The following TOP1MT variants were observed in gnomAD, a reference collection of about 807,000 sequenced individuals.
TOP1MT encodes the protein DNA topoisomerase I, mitochondrial.
In TOP1MT, 80 loss-of-function variants were observed where a neutral mutation model predicts 73.9. That is an observed-to-expected ratio of 1.08 (90% CI 0.90 to 1.30). TOP1MT has a LOEUF of 1.30. TOP1MT is among the 50% of genes most tolerant of loss of function. TOP1MT has a pLI of 0.00. For synonymous variants in TOP1MT, 338 were observed against 326.4 expected (o/e 1.04, Z -0.38); for missense variants, 815 against 808.0 (o/e 1.01, Z -0.10).
At chr8:143,315,908 C>T in intron 11 of TOP1MT, 87 bp from the exon 12 acceptor site, 1 of 1,607,452 alleles carries the variant, frequency 6.2e-7, no homozygotes, top group Non-Finnish European at 8.5e-7. Context: ...TACGTGCCCA[C>T]CGCAGCTGGC....
At chr8:143,343,401 T>C in intron 1 of TOP1MT, 1 of 372,794 alleles carries the variant, frequency 2.7e-6, no homozygotes. Flanking sequence ...TTCATGACCC[T>C]TTTCTCATTT....
intron 12 of TOP1MT, among the ~76,000 whole-genome samples, chr8:143,310,915 C>T (rs1353497060): frequency 2.6e-5 from 4 of 151,536 alleles, no homozygotes; most frequent in South Asian, 2.1e-4. Flanking sequence ...AGAGCCAGCA[C>T]GCACACACAG....
chr8:143,318,961 G>A (rs1249860180), intron 8 of TOP1MT, among the ~76,000 whole-genome samples: 1 of 152,192 alleles, frequency 6.6e-6, no homozygotes, highest in Non-Finnish European at 1.5e-5. Flanking sequence ...CCGTTACCGA[G>A]TGCTCCCCTG....
At chr8:143,347,244 T>A (rs1043437010), upstream of TOP1MT, among the ~76,000 whole-genome samples, 11 of 152,198 alleles carry the variant, frequency 7.2e-5, no homozygotes, top group African/African-American at 2.7e-4. Flanking sequence ...AAGTTCTGCC[T>A]CCTGGGTTCA....
At chr8:143,351,996 C>T (rs1464944828) in intron 1 of TOP1MT, among the ~76,000 whole-genome samples, 1 of 152,220 alleles carries the variant, frequency 6.6e-6, no homozygotes, top group African/African-American at 2.4e-5. Flanking sequence ...GCAGGAGAAT[C>T]GCTTGAACCT....
intron 10 of TOP1MT, among the ~76,000 whole-genome samples, chr8:143,317,275 T>G (rs1459825219): frequency 6.6e-6 from 1 of 152,016 alleles, no homozygotes; most frequent in Non-Finnish European, 1.5e-5. Context: ...ATCCCCAGGT[T>G]GATGGCAGGG....
chr8:143,342,837 T>C (rs1022570684), intron 2 of TOP1MT, among the ~76,000 whole-genome samples: 3 of 144,016 alleles, frequency 2.1e-5, no homozygotes, highest in Non-Finnish European at 3.0e-5. Context: ...CAGGCTGGAG[T>C]GCAGTGGCGT....
Position 143,331,637 on chromosome 8 carries a change from G to A in TOP1MT, c.123-298C>T, listed in dbSNP as rs1292024729. 3 of 298,312 alleles carry A rather than the reference G, an allele frequency of 1.0e-5. No homozygotes were observed. In the East Asian group the frequency reaches 1.7e-4, roughly 17 times the overall value. The allele number at this position is 298,312 out of a possible 1,614,324, so 18.5% of individuals were successfully genotyped here. ...CCCAGCTAAGTGGGAAAGGCAACGTGCCTCTCCCAGGCTCTAGGGCCTCTC... is the reference window on the plus strand; with the variant it reads ...CCCAGCTAAGTGGGAAAGGCAACGTACCTCTCCCAGGCTCTAGGGCCTCTC... On this transcript the variant is annotated intron_variant, in intron 1 of 13. Transcript: ENST00000329245.
At chr8:143,326,070 G>A (rs906837991) in intron 4 of TOP1MT, 152 bp downstream of exon 4, 2 of 815,398 alleles carry the variant, frequency 2.5e-6, no homozygotes, top group Non-Finnish European at 3.7e-6. Context: ...CGACACTTAA[G>A]CACATGCAGG....
chr8:143,346,794 G>A (rs537456211), upstream of TOP1MT, among the ~76,000 whole-genome samples: 1 of 152,074 alleles, frequency 6.6e-6, no homozygotes, highest in East Asian at 1.9e-4. Flanking sequence ...ATTACCCCAG[G>A]GGCAGAAGAT....
chr8:143,343,223 G>A (rs1409713867), exon 2 of TOP1MT: 1 of 456,232 alleles, frequency 2.2e-6, no homozygotes, highest in South Asian at 1.5e-5. Flanking sequence ...TGCCGACTTG[G>A]CCTTTTTTCT....
At chr8:143,342,776 C>CTAT (rs748359888) in intron 2 of TOP1MT, among the ~76,000 whole-genome samples, 3,425 of 78,958 alleles carry the variant, frequency 0.043, 454 homozygotes, top group Non-Finnish European at 0.064. Context: ...GAGTCTTGCT[C>CTAT]TATTATTATT....
intron 7 of TOP1MT, among the ~76,000 whole-genome samples, chr8:143,321,788 C>T (rs1586757680): frequency 9.2e-6 from 1 of 108,768 alleles, no homozygotes; most frequent in Non-Finnish European, 1.9e-5. Flanking sequence ...GCACGCCACA[C>T]ACGCACGCCA....
At chr8:143,356,377 G>A (rs1817407812), upstream of TOP1MT, among the ~76,000 whole-genome samples, 1 of 152,260 alleles carries the variant, frequency 6.6e-6, no homozygotes, top group Non-Finnish European at 1.5e-5. Flanking sequence ...GCTGGCAGCA[G>A]ATCCAACCCT....
chr8:143,321,477 C>T lies in TOP1MT; in HGVS notation c.961-91G>A. 8 of 1,000,968 alleles carry T rather than the reference C, an allele frequency of 8.0e-6. 1 individual carries two copies. Among genetic ancestry groups the T allele is most frequent in the Non-Finnish European group, 1.1e-5 (8 of 730,356 alleles). The allele number at this position is 1,000,968 out of a possible 1,614,324, so 62.0% of individuals were successfully genotyped here. ...CACACACGCACGCCACACACGCACGCCACACGCACGCCACACACGCACGCC... is the reference window on the plus strand; with the variant it reads ...CACACACGCACGCCACACACGCACGTCACACGCACGCCACACACGCACGCC... On this transcript the variant is annotated intron_variant, in intron 7 of 13. Transcript: ENST00000329245.
chr8:143,313,048 G>C (rs534785858), intron 12 of TOP1MT, among the ~76,000 whole-genome samples: 18 of 152,256 alleles, frequency 1.2e-4, no homozygotes, highest in African/African-American at 4.1e-4. Context: ...ACATCTGGCT[G>C]TCCACATGCA....
chr8:143,317,037 G>A (rs372849996), intron 10 of TOP1MT, among the ~76,000 whole-genome samples: 9 of 152,230 alleles, frequency 5.9e-5, no homozygotes, highest in Non-Finnish European at 8.8e-5. Flanking sequence ...TGAGGCCCAC[G>A]GGTGCACGCG....
Position 143,322,754 on chromosome 8 carries a change from C to T in TOP1MT, c.960+1245G>A, listed in dbSNP as rs1215154191. Among the ~76,000 whole-genome samples, 3 of 25,114 alleles carry T rather than the reference C, an allele frequency of 1.2e-4. 1 individual carries two copies. The highest frequency in any genetic ancestry group is 1.9e-4 in the Non-Finnish European group (3 of 15,486). 16.5% of individuals were successfully genotyped at this position (25,114 alleles called of 152,430 possible). ...GCCACACACGCCACACACGCACGCACGCCACACACGCACGCCACACACAGG... is the reference window on the plus strand; with the variant it reads ...GCCACACACGCCACACACGCACGCATGCCACACACGCACGCCACACACAGG... On this transcript the variant is annotated intron_variant, in intron 7 of 13. Transcript: ENST00000329245.
At chr8:143,323,822 G>A (rs1212470639) in intron 7 of TOP1MT, among the ~76,000 whole-genome samples, 177 bp downstream of exon 7, 1 of 151,674 alleles carries the variant, frequency 6.6e-6, no homozygotes, top group Non-Finnish European at 1.5e-5. Context: ...CAATGCACAT[G>A]CACACCCTAC....
Sources: allele counts gnomAD v4.1 joint callset (sites outside exome capture counted in the v4.1 genomes callset), GRCh38; gene constraint gnomAD v4.1.1; transcripts MANE v1.5; gene names NCBI Gene and HGNC (gene_info 2026-07-23, HGNC 2026-07-21).